PTK2B: variants seen among roughly 807,000 people sequenced by gnomAD.
PTK2B encodes protein tyrosine kinase 2 beta, also known as protein-tyrosine kinase 2-beta.
PTK2B carries 71 observed loss-of-function variants against 142.9 expected under a neutral mutation model. That is an observed-to-expected ratio of 0.50 (90% confidence interval 0.41 to 0.61). PTK2B has a LOEUF of 0.61. PTK2B is among the 20% of genes least tolerant of loss of function. The pLI is 0.00. For synonymous variants in PTK2B, 519 were observed against 503.4 expected (o/e 1.03, Z -0.42); for missense variants, 1,105 against 1,320.4 (o/e 0.84, Z 2.53).
chr8:27,370,006 A>T (rs1039585104), intron 1 of PTK2B, among the ~76,000 whole-genome samples: 1 of 152,150 alleles, frequency 6.6e-6, no homozygotes, highest in Non-Finnish European at 1.5e-5. Flanking sequence ...TAAGTCAGAG[A>T]TTATCAGAGC....
At chr8:27,355,086 C>G (rs1053390510) in intron 1 of PTK2B, among the ~76,000 whole-genome samples, 1 of 152,184 alleles carries the variant, frequency 6.6e-6, no homozygotes, top group Non-Finnish European at 1.5e-5. Flanking sequence ...TACAGGCTGT[C>G]TAATAACAAC....
chr8:27,355,107 T>C (rs1409188357), intron 1 of PTK2B, among the ~76,000 whole-genome samples: 1 of 152,210 alleles, frequency 6.6e-6, no homozygotes, highest in Non-Finnish European at 1.5e-5. Context: ...CTCCCAAAGA[T>C]GTCCGCATCC....
At chr8:27,321,308 T>C (rs1172025212), upstream of PTK2B, among the ~76,000 whole-genome samples, 1 of 152,154 alleles carries the variant, frequency 6.6e-6, no homozygotes, top group Non-Finnish European at 1.5e-5. Context: ...AAAAAAACAT[T>C]CTTAACACTC....
intron 2 of PTK2B, among the ~76,000 whole-genome samples, chr8:27,414,680 C>A (rs538062075): frequency 6.6e-6 from 1 of 152,138 alleles, no homozygotes; most frequent in South Asian, 2.1e-4. Context: ...CAATCCTTCA[C>A]CTCCAAAGAT....
At chr8:27,438,445 G>C (rs887669636) in intron 18 of PTK2B, among the ~76,000 whole-genome samples, 2 of 6,544 alleles carry the variant, frequency 3.1e-4, no homozygotes, top group African/African-American at 5.3e-3. Flanking sequence ...ATTGACATTG[G>C]CTCTGTGGCC....
exon 1 of PTK2B, chr8:27,311,633 A>C: frequency 4.6e-6 from 1 of 216,690 alleles, no homozygotes; most frequent in Non-Finnish European, 9.1e-6. Flanking sequence ...ATCCCCGGGA[A>C]CCTCAGGCCC....
chr8:27,420,095 C>G (rs1586283019), intron 3 of PTK2B, 22 bp downstream of exon 3: 1 of 1,611,938 alleles, frequency 6.2e-7, no homozygotes, highest in Non-Finnish European at 8.5e-7. Context: ...TTCCTGGGCT[C>G]TGGAAGTGGG....
intron 1 of PTK2B, among the ~76,000 whole-genome samples, chr8:27,394,591 A>C (rs1003375215): frequency 6.6e-6 from 1 of 152,248 alleles, no homozygotes; most frequent in Non-Finnish European, 1.5e-5. Flanking sequence ...ACTACTGTAG[A>C]CTTTATAAAC....
intron 18 of PTK2B, among the ~76,000 whole-genome samples, chr8:27,438,778 A>G (rs189401996): frequency 9.4e-4 from 143 of 152,274 alleles, no homozygotes; most frequent in African/African-American, 3.2e-3. Flanking sequence ...CCCAACAGCA[A>G]GAGGGAAGGA....
rs56175011 is a variant in PTK2B at position 27,433,522 on chromosome 8, C to G, written c.1075C>G (p.Gln359Glu). The change falls in exon 11 of 31, where the codon CAA becomes GAA. Residue 359 changes from glutamine to glutamate, a missense_variant. Coordinates refer to ENST00000346049, the MANE Select transcript of PTK2B (RefSeq NM_173176.3). ...CTACTGCCGGCTGCAGGGTGAGCAC[C>G]AAGGCTCTCTCATCATCCATCCTAG... Reference protein sequence around the residue: ...DGYCRLQGEHQGSLIIHPRKD... With the variant: ...DGYCRLQGEHEGSLIIHPRKD... 2.8e-3 allele frequency: 4,454 copies of G among 1,614,070 alleles called. 10 individuals carry two copies. The highest frequency in any genetic ancestry group is 3.0e-3 in the Non-Finnish European group (3,569 of 1,179,888).
Position 27,450,821 on chromosome 8 carries a change from C to G in PTK2B, c.2413C>G (p.Arg805Gly). The change falls in exon 25 of 31, where the codon CGG becomes GGG. Residue 805 changes from arginine to glycine, a missense_variant. Transcript: ENST00000346049. ...GTGGGAGGCTGAAAAGGTCAAAATGCGGCAAATCCTGGACAAACAGCAGAA... is the reference window on the plus strand; with the variant it reads ...GTGGGAGGCTGAAAAGGTCAAAATGGGGCAAATCCTGGACAAACAGCAGAA... The part of the protein sequence containing the change: ...QLWEAEKVKM[R>G]QILDKQQKQM... The G allele has an allele frequency of 1.2e-6, 2 of 1,614,148 alleles. No homozygotes were observed. The highest frequency in any genetic ancestry group is 1.7e-6 in the Non-Finnish European group (2 of 1,180,010).
rs1361497221 is a variant in PTK2B, at chr8:27,433,998, A to G, written c.1106-95A>G. The G allele has an allele frequency of 1.3e-5, 19 of 1,445,496 alleles. No homozygotes were observed. In the East Asian group the frequency reaches 4.3e-4, roughly 33 times the overall value. 89.5% of individuals were successfully genotyped at this position (1,445,496 alleles called of 1,614,324 possible). On this transcript the variant is annotated intron_variant, in intron 11 of 30. Transcript: ENST00000346049. ...GAATGGAATTAGGGGCTGGGATGGG[A>G]GGAGAGTCCCTTGTAGGAATAGTGA...
rs375279180 is a variant in PTK2B, at chr8:27,437,872, C to T, written c.1635C>T (p.Cys545=). The change falls in exon 18 of 31, where the codon TGC becomes TGT. Residue 545 remains cysteine, a synonymous_variant. Transcript: ENST00000346049. ...TGGCCTACCTGGAGAGCATCAACTG[C>T]GTGCACAGGTAGGGGTGGAGGGAGT... ...KAMAYLESIN[C]VHRDIAVRNI... is the part of the protein sequence containing the mutation. 3.1e-5 allele frequency: 50 copies of T among 1,610,548 alleles called. No homozygotes were observed. In the African/African-American group the frequency reaches 3.7e-4, roughly 12 times the overall value.
intron 24 of PTK2B, among the ~76,000 whole-genome samples, chr8:27,449,355 A>G (rs1393580270): frequency 6.6e-6 from 1 of 152,278 alleles, no homozygotes; most frequent in African/African-American, 2.4e-5. Flanking sequence ...GAGGTTAGTA[A>G]TTGAAGCTCA....
chr8:27,450,214 C>T (rs1811715451), intron 24 of PTK2B, among the ~76,000 whole-genome samples: 1 of 152,122 alleles, frequency 6.6e-6, no homozygotes, highest in African/African-American at 2.4e-5. Context: ...TGGGACTGCA[C>T]ACCGTGAGGC....
intron 1 of PTK2B, among the ~76,000 whole-genome samples, chr8:27,359,732 T>G (rs1805591036): frequency 6.6e-6 from 1 of 152,176 alleles, no homozygotes; most frequent in Non-Finnish European, 1.5e-5. Flanking sequence ...CTTCTCTCTT[T>G]CTTTCTCTCT....
At chr8:27,383,868 G>A (rs1807182719) in intron 1 of PTK2B, among the ~76,000 whole-genome samples, 1 of 60,996 alleles carries the variant, frequency 1.6e-5, no homozygotes, top group South Asian at 4.8e-4. Flanking sequence ...TTTTTTTTGA[G>A]ACAGAGTTTC....
intron 3 of PTK2B, among the ~76,000 whole-genome samples, chr8:27,319,517 G>T (rs1271058388): frequency 6.6e-6 from 1 of 151,614 alleles, no homozygotes; most frequent in Non-Finnish European, 1.5e-5. Context: ...GGTGGCGGGC[G>T]CCTGTAGTCC....
rs889324923 is a variant in PTK2B at position 27,439,576 on chromosome 8, A to T, written c.1834+178A>T. Among the ~76,000 whole-genome samples the T allele has an allele frequency of 2.6e-5, 4 of 152,058 alleles. No individual in the cohort carries two copies. The Middle Eastern group carries it at 0.014, about 517-fold the overall frequency. On this transcript the variant is annotated intron_variant, in intron 20 of 30. Coordinates refer to ENST00000346049, the MANE Select transcript of PTK2B (RefSeq NM_173176.3). The stretch of plus-strand genomic sequence containing the variant: ...GGAGGCCAGTAGGGGTAGGAAGGGG[A>T]GTGACCCAGGCTAAGGACTGGCCTG...
Sources: gnomAD v4.1 joint callset for allele counts (sites outside exome capture counted in the v4.1 genomes callset) on GRCh38, gnomAD v4.1.1 for gene constraint, MANE v1.5 for transcripts, NCBI Gene and HGNC (gene_info 2026-07-23, HGNC 2026-07-21) for gene names.